The following GCGR variants were observed in gnomAD, a reference collection of about 807,000 sequenced individuals.
The protein encoded by GCGR is glucagon receptor.
A neutral mutation model predicts 56.1 loss-of-function variants in GCGR; 41 were observed. The observed-to-expected ratio is 0.73, with a 90% CI of 0.57 to 0.95. The LOEUF is 0.95. Among genes scored for constraint, GCGR ranks in the 40% least tolerant of loss-of-function variants. The pLI, the probability that GCGR is intolerant of heterozygous loss-of-function variation, is 0.00. For synonymous variants in GCGR, 278 were observed against 271.1 expected (o/e 1.03, Z -0.25); for missense variants, 595 against 638.2 (o/e 0.93, Z 0.73).
rs769975124 is a variant in GCGR, at chr17:81,811,609, G to T, written c.658-42G>T. On this transcript the variant is annotated intron_variant, in intron 7 of 13. Coordinates refer to ENST00000400723, the MANE Select transcript of GCGR (RefSeq NM_000160.5). The surrounding 1 kb of genome is among the most constrained non-coding windows in gnomAD (Gnocchi z 5.8). ...GGCAGGTGGGTGGGTGGGCAGCCAG[G>T]CAGGTGGCCACGTAGCCGCGCTCAC... 5 of 1,535,866 alleles carry T rather than the reference G, an allele frequency of 3.3e-6. No homozygotes were observed. Among genetic ancestry groups the T allele is most frequent in the East Asian group, 4.9e-5 (2 of 40,928 alleles).
Position 81,812,198 on chromosome 17 carries a change from T to C in GCGR, c.894T>C (p.Asn298=). 1.3e-6 allele frequency: 2 copies of C among 1,536,212 alleles called. No homozygotes were observed. Among genetic ancestry groups the C allele is most frequent in the Non-Finnish European group, 1.7e-6 (2 of 1,146,784 alleles). The change falls in exon 10 of 14, where the codon AAT becomes AAC. Residue 298 remains asparagine (N), a synonymous_variant. Transcript: ENST00000400723. This position sits in a 1 kb window ranked among gnomAD's most constrained non-coding sequence, Gnocchi z 8.5. ...GGCCTCGCAGGTGCTGGACCAGCAA[T>C]GACAACATGGGCTTCTGGTGGATCC... ...LFENVQCWTS[N]DNMGFWWILR...
chr17:81,809,696 T>C, intron 2 of GCGR, 86 bp from the exon 3 acceptor site: 3 of 1,033,930 alleles, frequency 2.9e-6, no homozygotes, highest in Non-Finnish European at 4.3e-6. Context: ...TCCATCTACC[T>C]GCCTGCCTGT....
At position 81,811,881 on chromosome 17, in the gene GCGR, C is replaced by T; in HGVS notation, c.818-5C>T. ...CTTTGGGACCACAGCTGCTGCCCCC[C>T]ACAGGTGCCCCCATGCTGTTCGTCG... On this transcript the variant is annotated splice_region_variant and splice_polypyrimidine_tract_variant and intron_variant, in intron 8 of 13. Coordinates refer to ENST00000400723, the MANE Select transcript of GCGR (RefSeq NM_000160.5). The surrounding 1 kb of genome is among the most constrained non-coding windows in gnomAD (Gnocchi z 5.8). 6.5e-7 allele frequency: 1 copy of T among 1,537,134 alleles called. No individual in the cohort carries two copies. The highest frequency in any genetic ancestry group is 8.7e-7 in the Non-Finnish European group (1 of 1,146,888).
At position 81,810,824 on chromosome 17, in the gene GCGR, G is replaced by T. The variant is rs746056731; in HGVS notation, c.164-1G>T. On this transcript the variant is annotated splice_acceptor_variant, in intron 3 of 13. Coordinates refer to ENST00000400723, the MANE Select transcript of GCGR (RefSeq NM_000160.5). LOFTEE classifies it high-confidence loss of function. The surrounding 1 kb of genome is among the most constrained non-coding windows in gnomAD (Gnocchi z 4.6). ...CTGCCCTGCCCTACCCTACCCTGCAGAGCTGGTGTGCAACAGAACCTTCGA... is the reference window on the plus strand; with the variant it reads ...CTGCCCTGCCCTACCCTACCCTGCATAGCTGGTGTGCAACAGAACCTTCGA... The T allele has an allele frequency of 2.0e-6, 3 of 1,536,754 alleles. No individual in the cohort carries two copies. The highest frequency in any genetic ancestry group is 2.0e-5 in the Admixed American group (1 of 50,980).
Position 81,812,818 on chromosome 17 carries a change from C to A in GCGR, c.1049C>A (p.Ser350Tyr). The change falls in exon 12 of 14, where the codon TCC (serine) becomes TAC (tyrosine). Residue 350 changes from serine to tyrosine, a missense_variant. Coordinates refer to ENST00000400723, the MANE Select transcript of GCGR (RefSeq NM_000160.5). This position sits in a 1 kb window ranked among gnomAD's most constrained non-coding sequence, Gnocchi z 8.5. ...CGCTGCCTCTGCAGGCTGGCCAAGT[C>A]CACGCTGACCCTCATCCCTCTGCTG... ...HTDYKFRLAKSTLTLIPLLGV... is the reference protein window; with the variant it reads ...HTDYKFRLAKYTLTLIPLLGV... 6.5e-7 allele frequency: 1 copy of A among 1,535,760 alleles called. No homozygotes were observed. The highest frequency in any genetic ancestry group is 1.2e-5 in the South Asian group (1 of 84,060).
chr17:81,813,921 C>T lies in GCGR; in HGVS notation c.*232C>T, dbSNP rs533989521. 8.9e-5 allele frequency: 51 copies of T among 573,798 alleles called. No homozygotes were observed. The highest frequency in any genetic ancestry group is 5.5e-4 in the Admixed American group (18 of 33,018). The allele number at this position is 573,798 out of a possible 1,614,324, so 35.5% of individuals were successfully genotyped here. ...TCCAGGGCGGGAGTGGGGGCTGTGC[C>T]GTGAACTGCGTGCCAGTGTCCCCAC... is the stretch of plus-strand genomic sequence containing the variant. On this transcript the variant is annotated 3_prime_UTR_variant, in exon 14 of 14. Transcript: ENST00000400723. This position sits in a 1 kb window ranked among gnomAD's most constrained non-coding sequence, Gnocchi z 5.3.
In GCGR at chr17:81,810,428, C is replaced by T. The variant is rs1405061884; in HGVS notation, c.164-397C>T. 1.2e-5 allele frequency: 4 copies of T among 343,872 alleles called. No homozygotes were observed. The highest frequency in any genetic ancestry group is 2.9e-5 in the South Asian group (1 of 35,014). The allele number at this position is 343,872 out of a possible 1,614,324, so 21.3% of individuals were successfully genotyped here. On this transcript the variant is annotated intron_variant, in intron 3 of 13. Transcript: ENST00000400723. This position sits in a 1 kb window ranked among gnomAD's most constrained non-coding sequence, Gnocchi z 4.6. ...GCAGATGTGGCAGCCACAGGTTTGGCGATGCACCTGGGAAGGATGAAAATG... is the reference window on the plus strand; with the variant it reads ...GCAGATGTGGCAGCCACAGGTTTGGTGATGCACCTGGGAAGGATGAAAATG...
In GCGR at chr17:81,813,413, C is replaced by A; in HGVS notation, c.1219-61C>A. The A allele has an allele frequency of 6.9e-7, 1 of 1,448,948 alleles. No homozygotes were observed. The highest frequency in any genetic ancestry group is 1.2e-5 in the South Asian group (1 of 81,490). 89.8% of individuals were successfully genotyped at this position (1,448,948 alleles called of 1,614,324 possible). A position where few individuals can be genotyped will look rare whatever the true frequency, so the allele number is the denominator to read the frequency against. ...ATCTCCGATGAGGCCCACAGCAGGT[C>A]CCGGTGGGGTGGAGAGGACAGGCAG... On this transcript the variant is annotated intron_variant, in intron 13 of 13. Transcript: ENST00000400723. The surrounding 1 kb of genome is among the most constrained non-coding windows in gnomAD (Gnocchi z 5.3).
At chr17:81,809,649 G>A (rs1219022958) in intron 2 of GCGR, 133 bp from the exon 3 acceptor site, 1 of 693,380 alleles carries the variant, frequency 1.4e-6, no homozygotes, top group African/African-American at 1.8e-5. Flanking sequence ...CTGTCTGCCT[G>A]TCTGCCTGTC....
chr17:81,811,488 T>C lies in GCGR; in HGVS notation c.585T>C (p.Asp195=). 1 of 1,536,638 alleles carries C rather than the reference T, an allele frequency of 6.5e-7. No homozygotes were observed. Residue 195 remains aspartate, a synonymous_variant, in exon 7 of 14, where the codon GAT becomes GAC. Coordinates refer to ENST00000400723, the MANE Select transcript of GCGR (RefSeq NM_000160.5). The surrounding 1 kb of genome is among the most constrained non-coding windows in gnomAD (Gnocchi z 5.8). ...VLKASSVLVI[D]GLLRTRYSQK... ...AAGCCAGCTCCGTGCTGGTCATTGA[T>C]GGGCTGCTCAGGACCCGCTACAGCC...
Position 81,812,016 on chromosome 17 carries a change from AG to A in GCGR, c.878+73del, listed in dbSNP as rs1169659292. The A allele has an allele frequency of 6.8e-7, 1 of 1,475,192 alleles. No homozygotes were observed. Among genetic ancestry groups the A allele is most frequent in the Non-Finnish European group, 9.1e-7 (1 of 1,099,372 alleles). 91.4% of individuals were successfully genotyped at this position (1,475,192 alleles called of 1,614,324 possible). A position where few individuals can be genotyped will look rare whatever the true frequency, so the allele number is the denominator to read the frequency against. ...GGGGTGCGGCGCTCTGGCCTGAGGC[AG>A]GGAGGGGCCGGGGATGAGCCTGGTG... On this transcript the variant is annotated intron_variant, in intron 9 of 13. Transcript: ENST00000400723. The surrounding 1 kb of genome is among the most constrained non-coding windows in gnomAD (Gnocchi z 8.5).
Position 81,811,647 on chromosome 17 carries a change from C to A in GCGR, c.658-4C>A. On this transcript the variant is annotated splice_polypyrimidine_tract_variant and splice_region_variant and intron_variant, in intron 7 of 13. Coordinates refer to ENST00000400723, the MANE Select transcript of GCGR (RefSeq NM_000160.5). This position sits in a 1 kb window ranked among gnomAD's most constrained non-coding sequence, Gnocchi z 5.8. The stretch of plus-strand genomic sequence containing the variant: ...TAGCCGCGCTCACACTGCACCTGTA[C>A]CAGGCGGTGGCTGGCTGCCGTGTGG... 9 of 1,536,372 alleles carry A rather than the reference C, an allele frequency of 5.9e-6. No homozygotes were observed. Among genetic ancestry groups the A allele is most frequent in the Non-Finnish European group, 7.8e-6 (9 of 1,146,876 alleles).
rs2143146629 is a variant in GCGR, at chr17:81,813,179, T to G, written c.1218+122T>G. The G allele has an allele frequency of 1.4e-6, 2 of 1,414,860 alleles. No individual in the cohort carries two copies. The highest frequency in any genetic ancestry group is 9.6e-7 in the Non-Finnish European group (1 of 1,038,944). 87.6% of individuals were successfully genotyped at this position (1,414,860 alleles called of 1,614,324 possible). On this transcript the variant is annotated intron_variant, in intron 13 of 13. Transcript: ENST00000400723. This position sits in a 1 kb window ranked among gnomAD's most constrained non-coding sequence, Gnocchi z 5.3. ...GGTTGGAACACGTGGGGCCCAAGCC[T>G]TTCCCTCCCCCTGCTCTTATTGGGT...
In GCGR at chr17:81,813,763, C is replaced by G. The variant is rs1009733929; in HGVS notation, c.*74C>G. ...TCGCTGGACAACCCAGAACTGGACGCCCAGCTGAGGCTGGGGGCGGGGGAG... is the reference window on the plus strand; with the variant it reads ...TCGCTGGACAACCCAGAACTGGACGGCCAGCTGAGGCTGGGGGCGGGGGAG... On this transcript the variant is annotated 3_prime_UTR_variant, in exon 14 of 14. Coordinates refer to ENST00000400723, the MANE Select transcript of GCGR (RefSeq NM_000160.5). This position sits in a 1 kb window ranked among gnomAD's most constrained non-coding sequence, Gnocchi z 5.3. 4 of 1,416,044 alleles carry G rather than the reference C, an allele frequency of 2.8e-6. No individual in the cohort carries two copies. The highest frequency in any genetic ancestry group is 3.8e-6 in the Non-Finnish European group (4 of 1,055,828). 87.7% of individuals were successfully genotyped at this position (1,416,044 alleles called of 1,614,324 possible). A position where few individuals can be genotyped will look rare whatever the true frequency, so the allele number is the denominator to read the frequency against.
In GCGR at chr17:81,813,137, C is replaced by T. The variant is rs935717453; in HGVS notation, c.1218+80C>T. On this transcript the variant is annotated intron_variant, in intron 13 of 13. Transcript: ENST00000400723. This position sits in a 1 kb window ranked among gnomAD's most constrained non-coding sequence, Gnocchi z 5.3. ...GCAGAGAGAGGCACAGGGATGCCAG[C>T]CCCACCCCTGCCCGGGGGTTGGAAC... is the stretch of plus-strand genomic sequence containing the variant. 6.6e-7 allele frequency: 1 copy of T among 1,524,660 alleles called. No individual in the cohort carries two copies. Among genetic ancestry groups the T allele is most frequent in the South Asian group, 1.2e-5 (1 of 83,770 alleles). 94.4% of individuals were successfully genotyped at this position (1,524,660 alleles called of 1,614,324 possible). A position where few individuals can be genotyped will look rare whatever the true frequency, so the allele number is the denominator to read the frequency against.
intron 1 of GCGR, among the ~76,000 whole-genome samples, chr17:81,805,899 C>T (rs182685314): frequency 3.0e-4 from 45 of 152,180 alleles, no homozygotes; most frequent in African/African-American, 8.9e-4. Flanking sequence ...AGTTTCTGTC[C>T]ACTCCTTCAG....
At position 81,809,367 on chromosome 17, in the gene GCGR, CCTGT is replaced by C. The variant is rs546896637; in HGVS notation, c.60+297_60+300del. ...GCCTGTCTGTCGGCCTGCCTGCCTG[CCTGT>C]CTGTCTGCTGCCTGTCTGTCCGTCT... On this transcript the variant is annotated intron_variant, in intron 2 of 13. Transcript: ENST00000400723. Among the ~76,000 whole-genome samples, 695 of 147,008 alleles carry C rather than the reference CCTGT, an allele frequency of 4.7e-3. 3 individuals carry two copies. The highest frequency in any genetic ancestry group is 7.8e-3 in the Non-Finnish European group (518 of 66,768).
chr17:81,804,794 C>T lies in GCGR; in HGVS notation c.-178+545C>T, dbSNP rs546094720. On this transcript the variant is annotated intron_variant, in intron 1 of 13. Transcript: ENST00000400723. This position sits in a 1 kb window ranked among gnomAD's most constrained non-coding sequence, Gnocchi z 8.2. ...CGGCCCACACTGGCGACTTTGACCC[C>T]GGCAAGCGGGTCACTGCCCTGCCCG... is the stretch of plus-strand genomic sequence containing the variant. Among the ~76,000 whole-genome samples, 36 of 152,288 alleles carry T rather than the reference C, an allele frequency of 2.4e-4. No individual in the cohort carries two copies. Among genetic ancestry groups the T allele is most frequent in the Admixed American group, 1.2e-3 (18 of 15,306 alleles).
chr17:81,810,443 G>A lies in GCGR; in HGVS notation c.164-382G>A. The A allele has an allele frequency of 2.7e-6, 1 of 364,052 alleles. No individual in the cohort carries two copies. The allele number at this position is 364,052 out of a possible 1,614,324, so 22.6% of individuals were successfully genotyped here. The stretch of plus-strand genomic sequence containing the variant: ...ACAGGTTTGGCGATGCACCTGGGAA[G>A]GATGAAAATGGCATTGGGGTTCAGC... On this transcript the variant is annotated intron_variant, in intron 3 of 13. Coordinates refer to ENST00000400723, the MANE Select transcript of GCGR (RefSeq NM_000160.5). The surrounding 1 kb of genome is among the most constrained non-coding windows in gnomAD (Gnocchi z 4.6).
Sources: gnomAD v4.1 joint callset for allele counts (sites outside exome capture counted in the v4.1 genomes callset) on GRCh38, gnomAD v4.1.1 for gene constraint, Gnocchi (gnomAD v3.1) non-coding constraint, MANE v1.5 for transcripts, NCBI Gene and HGNC (gene_info 2026-07-23, HGNC 2026-07-21) for gene names.